The following ICA1 variants were observed in gnomAD, a reference collection of about 807,000 sequenced individuals.
The protein encoded by ICA1 is islet cell autoantigen 1, also known as 69 kDa islet cell autoantigen.
In ICA1, 40 loss-of-function variants were observed where a neutral mutation model predicts 71.0. The ratio of observed to expected loss-of-function variants is 0.56; its 90% CI spans 0.44 to 0.73. The LOEUF (loss-of-function observed/expected upper bound fraction) is 0.73, where lower values mean the gene tolerates loss of function less well. ICA1 is among the 30% of genes least tolerant of loss of function. The probability of loss-of-function intolerance (pLI) is 0.00; values close to 1 mark genes in which losing one functional copy is unlikely to be tolerated. For synonymous variants in ICA1, 207 were observed against 209.5 expected (o/e 0.99, Z 0.10); for missense variants, 578 against 576.5 (o/e 1.00, Z -0.03).
In ICA1 at chr7:8,122,172, C is replaced by T. The variant is rs1232054012; in HGVS notation, c.1330+5701G>A. 2.0e-5 allele frequency among the ~76,000 whole-genome samples: 3 copies of T among 152,120 alleles called. No individual in the cohort carries two copies. The South Asian group carries it at 6.2e-4, about 32-fold the overall frequency. On this transcript the variant is annotated intron_variant, in intron 13 of 13. Coordinates refer to ENST00000402384, the MANE Select transcript of ICA1 (RefSeq NM_001136020.3). The stretch of plus-strand genomic sequence containing the variant: ...GCCAAGACCCCATGGTGGGGACAGA[C>T]GGGTGCACTGAAGCTTCATATGGCT...
In ICA1 at chr7:8,130,941, T is replaced by C. The variant is rs1206521749; in HGVS notation, c.1061-2799A>G. Among the ~76,000 whole-genome samples the C allele has an allele frequency of 6.6e-6, 1 of 152,188 alleles. No individual in the cohort carries two copies. Among genetic ancestry groups the C allele is most frequent in the Non-Finnish European group, 1.5e-5 (1 of 68,036 alleles). ...TCCCTTTGGGAAAATGCCTTCTCCATGTGATCCTGGTGAGATGCCTCTGGA... is the reference window on the plus strand; with the variant it reads ...TCCCTTTGGGAAAATGCCTTCTCCACGTGATCCTGGTGAGATGCCTCTGGA... On this transcript the variant is annotated intron_variant, in intron 12 of 13. Transcript: ENST00000402384. This position sits in a 1 kb window ranked among gnomAD's most constrained non-coding sequence, Gnocchi z 4.2.
chr7:8,198,998 A>G (rs1362449305), intron 6 of ICA1, among the ~76,000 whole-genome samples: 1 of 152,272 alleles, frequency 6.6e-6, no homozygotes, highest in Non-Finnish European at 1.5e-5. Flanking sequence ...AAAAGTGCTC[A>G]ACATCGTTCA....
intron 6 of ICA1, among the ~76,000 whole-genome samples, chr7:8,196,617 T>G (rs1393699493): frequency 6.6e-6 from 1 of 152,156 alleles, no homozygotes; most frequent in African/African-American, 2.4e-5. Context: ...ATGTGTGTTG[T>G]GGGGTGGTTG....
intron 2 of ICA1, among the ~76,000 whole-genome samples, chr7:8,235,100 G>A (rs527630465): frequency 6.6e-6 from 1 of 152,120 alleles, no homozygotes; most frequent in African/African-American, 2.4e-5. Context: ...GGAGGCGGAG[G>A]TTGCAGTGAG....
chr7:8,201,192 A>G (rs541444688), intron 6 of ICA1, among the ~76,000 whole-genome samples: 12 of 152,308 alleles, frequency 7.9e-5, no homozygotes, highest in African/African-American at 2.9e-4. Flanking sequence ...GGATTGTTGC[A>G]GGAGAAATAC....
At chr7:8,207,561 G>C (rs1792026688) in intron 6 of ICA1, among the ~76,000 whole-genome samples, 1 of 152,160 alleles carries the variant, frequency 6.6e-6, no homozygotes, top group African/African-American at 2.4e-5. Flanking sequence ...TATTTTTAAA[G>C]CTGTTTTCTG....
chr7:8,255,056 C>T (rs1034160638), intron 1 of ICA1, among the ~76,000 whole-genome samples: 2 of 152,124 alleles, frequency 1.3e-5, no homozygotes, highest in African/African-American at 2.4e-5. Flanking sequence ...ACCTGCTGTT[C>T]GCTTCCTTCT....
chr7:8,253,380 G>C (rs768163672), intron 1 of ICA1, among the ~76,000 whole-genome samples: 8 of 152,174 alleles, frequency 5.3e-5, no homozygotes, highest in Non-Finnish European at 7.3e-5. Context: ...AGATTTATGT[G>C]AATAGTAAGT....
chr7:8,168,907 G>A (rs1026368151), intron 6 of ICA1, among the ~76,000 whole-genome samples: 1 of 152,002 alleles, frequency 6.6e-6, no homozygotes, highest in African/African-American at 2.4e-5. Flanking sequence ...TTTCAGATGT[G>A]CAATTCTATG....
chr7:8,132,955 G>A lies in ICA1; in HGVS notation c.1061-4813C>T, dbSNP rs965922430. Reference sequence around the variant, plus strand: ...CTTTGCTTAGTCTGTGTTATGGTTTGCATATCTGTCCCTTCCAAAACTCAT... The same window carrying A: ...CTTTGCTTAGTCTGTGTTATGGTTTACATATCTGTCCCTTCCAAAACTCAT... On this transcript the variant is annotated intron_variant, in intron 12 of 13. Coordinates refer to ENST00000402384, the MANE Select transcript of ICA1 (RefSeq NM_001136020.3). The surrounding 1 kb of genome is among the most constrained non-coding windows in gnomAD (Gnocchi z 4.5). Among the ~76,000 whole-genome samples the A allele has an allele frequency of 6.6e-6, 1 of 152,214 alleles. No individual in the cohort carries two copies. Among genetic ancestry groups the A allele is most frequent in the African/African-American group, 2.4e-5 (1 of 41,456 alleles).
Position 8,144,014 on chromosome 7 carries a change from A to T in ICA1, c.805-42T>A. 9.0e-7 allele frequency: 1 copy of T among 1,114,020 alleles called. No homozygotes were observed. The highest frequency in any genetic ancestry group is 1.3e-6 in the Non-Finnish European group (1 of 753,368). The allele number at this position is 1,114,020 out of a possible 1,614,324, so 69.0% of individuals were successfully genotyped here. ...AGAAAAATGAAAAAGAAAAAAAAAG[A>T]AGAAGAAATAGAGACAAAAAAAAGA... is the stretch of plus-strand genomic sequence containing the variant. On this transcript the variant is annotated intron_variant, in intron 8 of 13. Transcript: ENST00000402384. The surrounding 1 kb of genome is among the most constrained non-coding windows in gnomAD (Gnocchi z 4.5).
At chr7:8,259,020 C>A (rs1811272233) in intron 1 of ICA1, among the ~76,000 whole-genome samples, 1 of 152,162 alleles carries the variant, frequency 6.6e-6, no homozygotes, top group Non-Finnish European at 1.5e-5. Context: ...GCTGGACAGT[C>A]TGTGGGAGAC....
intron 1 of ICA1, among the ~76,000 whole-genome samples, chr7:8,241,244 G>C (rs763082354): frequency 6.6e-6 from 1 of 152,208 alleles, no homozygotes; most frequent in Non-Finnish European, 1.5e-5. Flanking sequence ...AGCCAGAAGC[G>C]AGTGGGGGCC....
At chr7:8,189,925 T>C (rs1785055047) in intron 6 of ICA1, among the ~76,000 whole-genome samples, 1 of 152,230 alleles carries the variant, frequency 6.6e-6, no homozygotes, top group Non-Finnish European at 1.5e-5. Flanking sequence ...TAGGGGATCC[T>C]ATTTCACTTG....
chr7:8,137,720 C>T (rs190827381), intron 12 of ICA1, among the ~76,000 whole-genome samples: 15 of 152,334 alleles, frequency 9.8e-5, no homozygotes, highest in East Asian at 1.9e-4. Flanking sequence ...TGCTACCTGT[C>T]GTAAGACAGT....
intron 6 of ICA1, among the ~76,000 whole-genome samples, chr7:8,168,065 A>G (rs541619965): frequency 2.0e-5 from 3 of 152,018 alleles, no homozygotes; most frequent in Non-Finnish European, 4.4e-5. Flanking sequence ...AGACTGAGAG[A>G]CCTAGTAGCA....
intron 6 of ICA1, among the ~76,000 whole-genome samples, chr7:8,211,328 C>T (rs148659296): frequency 1.9e-4 from 29 of 152,282 alleles, no homozygotes; most frequent in African/African-American, 6.5e-4. Context: ...GTGACTCATG[C>T]CCTCTAAAAC....
chr7:8,229,162 C>T (rs980324159), intron 3 of ICA1, among the ~76,000 whole-genome samples: 4 of 151,998 alleles, frequency 2.6e-5, no homozygotes, highest in African/African-American at 9.7e-5. Flanking sequence ...CTGGATAAAG[C>T]AAACAAAATC....
At chr7:8,257,967 G>A (rs922000803) in intron 1 of ICA1, among the ~76,000 whole-genome samples, 4 of 151,998 alleles carry the variant, frequency 2.6e-5, no homozygotes, top group African/African-American at 9.7e-5. Flanking sequence ...TTGGGAGTGG[G>A]GAACGCTCTT....
Sources: gnomAD v4.1 joint callset for allele counts (sites outside exome capture counted in the v4.1 genomes callset) on GRCh38, gnomAD v4.1.1 for gene constraint, Gnocchi (gnomAD v3.1) non-coding constraint, MANE v1.5 for transcripts, NCBI Gene and HGNC (gene_info 2026-07-23, HGNC 2026-07-21) for gene names.